Variants in SLC4A7 observed in about 807,000 individuals in gnomAD.
The protein encoded by SLC4A7 is solute carrier family 4 member 7.
In SLC4A7, 51 loss-of-function variants were observed where a neutral mutation model predicts 137.6. The observed-to-expected ratio is 0.37, with a 90% CI of 0.30 to 0.47. The LOEUF is 0.47. SLC4A7 is among the 20% of genes least tolerant of loss of function. The pLI is 1.00. For missense variants in SLC4A7, 1,247 were observed against 1,525.4 expected (o/e 0.82, Z 3.04); for synonymous variants, 542 against 518.6 (o/e 1.05, Z -0.61).
intron 3 of SLC4A7, among the ~76,000 whole-genome samples, chr3:27,444,680 C>T (rs2057456777): frequency 6.6e-6 from 1 of 152,138 alleles, no homozygotes; most frequent in Admixed American, 6.6e-5. Flanking sequence ...TTTTCAATAG[C>T]TCTCTTTAAC....
At chr3:27,395,299 C>A (rs749269755) in intron 18 of SLC4A7, among the ~76,000 whole-genome samples, 184 bp from the exon 19 acceptor site, 1 of 152,186 alleles carries the variant, frequency 6.6e-6, no homozygotes, top group African/African-American at 2.4e-5. Context: ...TATAACTATA[C>A]CTCCTGTCAT....
At chr3:27,386,494 A>C (rs1416282146) in intron 22 of SLC4A7, among the ~76,000 whole-genome samples, 1 of 152,138 alleles carries the variant, frequency 6.6e-6, no homozygotes, top group Non-Finnish European at 1.5e-5. Flanking sequence ...GCTGAAGATG[A>C]GCATGTTTTT....
chr3:27,395,101 C>G lies in SLC4A7; in HGVS notation c.2718G>C (p.Glu906Asp). 1.9e-6 allele frequency: 3 copies of G among 1,582,730 alleles called. No homozygotes were observed. The highest frequency in any genetic ancestry group is 2.6e-6 in the Non-Finnish European group (3 of 1,171,676). The part of the protein sequence containing the change: ...VPEKFEPTHP[E>D]RGWIISPLGD... ...CCAGTGGGCTTATGATCCACCCTCTCTCTGGATGAGTAGGCTGTTAAAAAA... is the reference window on the plus strand; with the variant it reads ...CCAGTGGGCTTATGATCCACCCTCTGTCTGGATGAGTAGGCTGTTAAAAAA... The change falls in exon 19 of 26, where the codon GAG becomes GAC. Residue 906 changes from glutamate to aspartate, a missense_variant. Physicochemically the swap from Glu to Asp is conservative, Grantham distance 45 (BLOSUM62 2). Coordinates refer to ENST00000454389, the MANE Select transcript of SLC4A7 (RefSeq NM_001321103.2).
chr3:27,410,021 T>C (rs775331919), intron 12 of SLC4A7, among the ~76,000 whole-genome samples: 6 of 152,204 alleles, frequency 3.9e-5, no homozygotes, highest in East Asian at 1.9e-4. Context: ...TCAGTAACTT[T>C]AAAAACTTTC....
In SLC4A7 at chr3:27,434,067, T is replaced by C; in HGVS notation, c.627A>G (p.Leu209=). The C allele has an allele frequency of 1.2e-6, 2 of 1,613,480 alleles. No individual in the cohort carries two copies. Among genetic ancestry groups the C allele is most frequent in the Non-Finnish European group, 1.7e-6 (2 of 1,179,756 alleles). Residue 209 remains leucine (L), a synonymous_variant, in exon 6 of 26, where the codon TTA becomes TTG. Transcript: ENST00000454389. ...VLDNMIASGQ[L]DESIRENVRE... ...TGACATTCTCTCGTATGGACTCGTCTAATTGGCCAGAAGCTATCATGTTGT... is the reference window on the plus strand; with the variant it reads ...TGACATTCTCTCGTATGGACTCGTCCAATTGGCCAGAAGCTATCATGTTGT...
At chr3:27,418,069 G>C (rs2054568047) in intron 11 of SLC4A7, among the ~76,000 whole-genome samples, 5 of 152,118 alleles carry the variant, frequency 3.3e-5, no homozygotes, top group Admixed American at 3.3e-4. Flanking sequence ...AATAGCAAAA[G>C]ACTGGTAACA....
chr3:27,477,641 C>T (rs982995848), intron 1 of SLC4A7, among the ~76,000 whole-genome samples: 6 of 151,966 alleles, frequency 3.9e-5, no homozygotes, highest in South Asian at 4.1e-4. Flanking sequence ...TGGAGTCTTG[C>T]TCTGTTGCCC....
At chr3:27,471,270 A>T (rs2059234418) in intron 1 of SLC4A7, among the ~76,000 whole-genome samples, 1 of 152,236 alleles carries the variant, frequency 6.6e-6, no homozygotes, top group African/African-American at 2.4e-5. Flanking sequence ...ATCTGCAGTA[A>T]GGAAGAGATT....
At chr3:27,441,051 A>AT (rs2057153905) in intron 3 of SLC4A7, among the ~76,000 whole-genome samples, 1 of 152,174 alleles carries the variant, frequency 6.6e-6, no homozygotes, top group African/African-American at 2.4e-5. Flanking sequence ...GTCTCAAAAA[A>AT]ATATATAACA....
At chr3:27,381,003 C>A (rs762960655) in intron 24 of SLC4A7, among the ~76,000 whole-genome samples, 2 of 152,164 alleles carry the variant, frequency 1.3e-5, no homozygotes, top group Non-Finnish European at 2.9e-5. Context: ...TTATTTTCAT[C>A]TTTTATAAGG....
At chr3:27,402,616 T>C (rs575570644) in intron 15 of SLC4A7, among the ~76,000 whole-genome samples, 2 of 152,078 alleles carry the variant, frequency 1.3e-5, no homozygotes, top group Non-Finnish European at 2.9e-5. Context: ...GGAAGATCAC[T>C]TGAACCTGGG....
intron 22 of SLC4A7, among the ~76,000 whole-genome samples, chr3:27,388,917 T>C (rs926691588): frequency 1.8e-5 from 2 of 112,942 alleles, no homozygotes; most frequent in Non-Finnish European, 4.8e-5. Context: ...AAAAAGTTTA[T>C]TGACCTCTGC....
intron 1 of SLC4A7, among the ~76,000 whole-genome samples, chr3:27,463,517 G>C (rs1252129200): frequency 6.6e-6 from 1 of 152,156 alleles, no homozygotes; most frequent in Non-Finnish European, 1.5e-5. Flanking sequence ...TCCAGCCTGG[G>C]CAACAAGAGC....
chr3:27,391,759 G>T lies in SLC4A7; in HGVS notation c.3167C>A (p.Ser1056Tyr), dbSNP rs996733083. The change falls in exon 21 of 26, where the codon TCC becomes TAC. Residue 1056 changes from serine (S) to tyrosine (Y), a missense_variant. Ser to Tyr is a moderately radical substitution (Grantham distance 144, BLOSUM62 -2). Coordinates refer to ENST00000454389, the MANE Select transcript of SLC4A7 (RefSeq NM_001321103.2). ...LYGVFLYMGVSSLKGIQLFDR... is the reference protein window; with the variant it reads ...LYGVFLYMGVYSLKGIQLFDR... ...ACTTGCCTGGATTCCTTTTAATGAG[G>T]AAACTCCCATATAAAGGAAAACACC... is the stretch of plus-strand genomic sequence containing the variant. 2 of 1,587,424 alleles carry T rather than the reference G, an allele frequency of 1.3e-6. No homozygotes were observed. Among genetic ancestry groups the T allele is most frequent in the Non-Finnish European group, 1.7e-6 (2 of 1,161,768 alleles).
chr3:27,468,710 G>A (rs143691558), intron 1 of SLC4A7, among the ~76,000 whole-genome samples: 41 of 152,056 alleles, frequency 2.7e-4, no homozygotes, highest in African/African-American at 9.4e-4. Context: ...TGTAGAATGG[G>A]GATAACAATA....
intron 3 of SLC4A7, among the ~76,000 whole-genome samples, chr3:27,441,229 G>A (rs1375955953): frequency 6.6e-6 from 1 of 152,174 alleles, no homozygotes; most frequent in East Asian, 1.9e-4. Flanking sequence ...AATTTTGCTA[G>A]GAATTTTCTA....
chr3:27,378,133 A>AAG (rs1218932268), intron 25 of SLC4A7, among the ~76,000 whole-genome samples: 1 of 152,240 alleles, frequency 6.6e-6, no homozygotes, highest in Admixed American at 6.5e-5. Flanking sequence ...AAAACTTTTT[A>AAG]AGATCAAAGA....
intron 18 of SLC4A7, among the ~76,000 whole-genome samples, chr3:27,396,459 T>C (rs963025501): frequency 5.9e-5 from 9 of 152,256 alleles, no homozygotes; most frequent in African/African-American, 4.8e-5. Flanking sequence ...TATTAATTCA[T>C]AGTTTCATTT....
chr3:27,481,721 C>A (rs1348165477), intron 1 of SLC4A7, among the ~76,000 whole-genome samples: 1 of 152,176 alleles, frequency 6.6e-6, no homozygotes, highest in Non-Finnish European at 1.5e-5. Context: ...AGTAGCCAAG[C>A]CTTATCTTCT....
Sources: allele counts gnomAD v4.1 joint callset (sites outside exome capture counted in the v4.1 genomes callset), GRCh38; gene constraint gnomAD v4.1.1; transcripts MANE v1.5; gene names NCBI Gene and HGNC (gene_info 2026-07-23, HGNC 2026-07-21).